Variants in GALNTL6 observed in about 807,000 individuals in gnomAD.
GALNTL6 encodes polypeptide N-acetylgalactosaminyltransferase like 6.
A neutral mutation model predicts 73.7 loss-of-function variants in GALNTL6; 46 were observed. The observed-to-expected ratio is 0.62, with a 90% CI of 0.49 to 0.80. The LOEUF is 0.80. GALNTL6 is among the 30% of genes least tolerant of loss of function. The pLI, the probability that GALNTL6 is intolerant of heterozygous loss-of-function variation, is 0.00. For synonymous variants in GALNTL6, 259 were observed against 263.7 expected, an observed-to-expected ratio of 0.98 and a Z score of 0.17; for missense variants, 604 against 755.0, an observed-to-expected ratio of 0.80 and a Z score of 2.34.
chr4:172,947,582 ATT>A (rs10708506), intron 9 of GALNTL6, among the ~76,000 whole-genome samples: 379 of 147,152 alleles, frequency 2.6e-3, no homozygotes, highest in East Asian at 4.2e-3. Flanking sequence ...CCCTTGATAA[ATT>A]TTTTTTTTTT....
intron 7 of GALNTL6, among the ~76,000 whole-genome samples, chr4:172,845,296 C>T (rs996727160): frequency 9.2e-5 from 14 of 151,654 alleles, no homozygotes; most frequent in African/African-American, 2.9e-4. Flanking sequence ...GAATCAATTG[C>T]GTAAAAAACT....
intron 3 of GALNTL6, among the ~76,000 whole-genome samples, chr4:172,301,253 T>C (rs1456159038): frequency 6.6e-6 from 1 of 151,986 alleles, no homozygotes; most frequent in East Asian, 1.9e-4. Flanking sequence ...TTGGTTATTC[T>C]AGTTAGCTAT....
At chr4:172,869,523 A>G (rs1488290881) in intron 7 of GALNTL6, among the ~76,000 whole-genome samples, 3 of 152,214 alleles carry the variant, frequency 2.0e-5, no homozygotes, top group Admixed American at 2.0e-4. Context: ...TCCACGAGAA[A>G]AGCGGGGTGG....
chr4:172,144,966 A>AT (rs542437771), intron 2 of GALNTL6, among the ~76,000 whole-genome samples: 2 of 150,780 alleles, frequency 1.3e-5, no homozygotes, highest in Non-Finnish European at 3.0e-5. Flanking sequence ...GAAATACAAC[A>AT]TTTTTTTTTG....
At chr4:172,904,132 A>G (rs1454513460) in intron 8 of GALNTL6, among the ~76,000 whole-genome samples, 1 of 152,222 alleles carries the variant, frequency 6.6e-6, no homozygotes, top group East Asian at 1.9e-4. Context: ...CATAATTACA[A>G]TGGAAAAACT....
rs762029738 is a variant in GALNTL6 at position 173,040,210 on chromosome 4, T to G, written c.*110T>G. 2.4e-4 allele frequency: 197 copies of G among 811,664 alleles called. No individual in the cohort carries two copies. The highest frequency in any genetic ancestry group is 1.8e-3 in the Admixed American group (57 of 32,446). The allele number at this position is 811,664 out of a possible 1,614,324, so 50.3% of individuals were successfully genotyped here. On this transcript the variant is annotated 3_prime_UTR_variant, in exon 13 of 13. Transcript: ENST00000506823. The stretch of plus-strand genomic sequence containing the variant: ...CATTTCCTCGATCCAGGAAGGCTGG[T>G]TTAAAAATTTGCAAATGCCATGTCA...
At chr4:172,139,017 A>G (rs573764201) in intron 2 of GALNTL6, among the ~76,000 whole-genome samples, 13 of 152,296 alleles carry the variant, frequency 8.5e-5, no homozygotes, top group Admixed American at 3.9e-4. Flanking sequence ...AGATAGATCA[A>G]TCGATCAGCA....
chr4:172,462,585 T>C (rs1284401658), intron 5 of GALNTL6, among the ~76,000 whole-genome samples: 1 of 152,218 alleles, frequency 6.6e-6, no homozygotes, highest in East Asian at 1.9e-4. Context: ...ATTTTATCTA[T>C]ACAGCTCCAT....
At chr4:172,379,699 C>T (rs185537593) in intron 5 of GALNTL6, among the ~76,000 whole-genome samples, 51 of 150,650 alleles carry the variant, frequency 3.4e-4, no homozygotes, top group Admixed American at 2.2e-3. Context: ...AAAACACCCA[C>T]GCCCCTGGAG....
At chr4:172,042,078 C>T (rs940675679) in intron 2 of GALNTL6, among the ~76,000 whole-genome samples, 1 of 151,982 alleles carries the variant, frequency 6.6e-6, no homozygotes, top group African/African-American at 2.4e-5. Context: ...TGCTCCAGTC[C>T]TCAGCCATTC....
chr4:171,957,621 A>G (rs1338454898), intron 2 of GALNTL6, among the ~76,000 whole-genome samples: 1 of 152,204 alleles, frequency 6.6e-6, no homozygotes, highest in Admixed American at 6.5e-5. Context: ...GCATTGCGGC[A>G]TTTTAAGAAT....
At chr4:172,385,975 A>T (rs1486083740) in intron 5 of GALNTL6, among the ~76,000 whole-genome samples, 1 of 152,062 alleles carries the variant, frequency 6.6e-6, no homozygotes, top group African/African-American at 2.4e-5. Flanking sequence ...AAAGCAATCT[A>T]GTTCACGTTA....
At chr4:172,771,313 T>C (rs1738747973) in intron 5 of GALNTL6, among the ~76,000 whole-genome samples, 2 of 152,132 alleles carry the variant, frequency 1.3e-5, no homozygotes, top group South Asian at 4.1e-4. Context: ...GAAACTGAAG[T>C]GAAAAAGGTT....
intron 2 of GALNTL6, among the ~76,000 whole-genome samples, chr4:172,170,508 G>GTT (rs1197633372): frequency 0.037 from 4,384 of 120,032 alleles, 177 homozygotes; most frequent in Non-Finnish European, 0.058. Flanking sequence ...TTCTTTGGTG[G>GTT]TTTTTTTTTT....
At chr4:172,745,676 T>C (rs1209196663) in intron 5 of GALNTL6, among the ~76,000 whole-genome samples, 1 of 151,968 alleles carries the variant, frequency 6.6e-6, no homozygotes, top group Admixed American at 6.6e-5. Context: ...GGGATTCATA[T>C]GTAAGAGATA....
intron 12 of GALNTL6, among the ~76,000 whole-genome samples, chr4:173,034,424 A>C (rs1247496445): frequency 6.6e-6 from 1 of 152,160 alleles, no homozygotes; most frequent in African/African-American, 2.4e-5. Context: ...CCTCTTGGAT[A>C]TCCTCGTCTG....
intron 2 of GALNTL6, among the ~76,000 whole-genome samples, chr4:172,023,260 A>T (rs1741457103): frequency 6.7e-6 from 1 of 150,156 alleles, no homozygotes; most frequent in South Asian, 2.1e-4. Context: ...GTGTATTGAA[A>T]ATATATATAT....
intron 2 of GALNTL6, among the ~76,000 whole-genome samples, chr4:172,054,136 C>A (rs1259566637): frequency 6.6e-6 from 1 of 151,972 alleles, no homozygotes; most frequent in African/African-American, 2.4e-5. Context: ...TCTAGGGATA[C>A]TTCATGAGAA....
intron 2 of GALNTL6, among the ~76,000 whole-genome samples, chr4:171,889,269 C>T (rs542325497): frequency 6.6e-6 from 1 of 151,914 alleles, no homozygotes; most frequent in African/African-American, 2.4e-5. Context: ...TATTTAACAT[C>T]GTCAAGTTAA....
Sources: gnomAD v4.1 joint callset for allele counts (sites outside exome capture counted in the v4.1 genomes callset) on GRCh38, gnomAD v4.1.1 for gene constraint, MANE v1.5 for transcripts, NCBI Gene and HGNC (gene_info 2026-07-23, HGNC 2026-07-21) for gene names.